RNF17: variants seen among roughly 807,000 people sequenced by gnomAD.
RNF17 encodes ring finger protein 17.
Under a neutral mutation model 200.5 loss-of-function variants are expected in RNF17, and 31 were observed. That is an observed-to-expected ratio of 0.15 (90% CI 0.12 to 0.21). The LOEUF (loss-of-function observed/expected upper bound fraction) is 0.21. RNF17 is among the 10% of genes least tolerant of loss of function. RNF17 has a pLI of 1.00. For missense variants in RNF17, 1,628 were observed against 1,905.1 expected (o/e 0.85, Z 2.71); for synonymous variants, 606 against 637.8 (o/e 0.95, Z 0.75).
chr13:24,840,074 A>G (rs1393136268), intron 18 of RNF17, among the ~76,000 whole-genome samples: 2 of 152,228 alleles, frequency 1.3e-5, no homozygotes, highest in African/African-American at 4.8e-5. Context: ...GGACATGGAT[A>G]GACAGTTCTC....
intron 15 of RNF17, among the ~76,000 whole-genome samples, chr13:24,812,929 G>A (rs138556943): frequency 0.045 from 6,783 of 151,896 alleles, 461 homozygotes; most frequent in African/African-American, 0.15. Context: ...TGATCCACCC[G>A]CCTCGACCTC....
intron 29 of RNF17, among the ~76,000 whole-genome samples, chr13:24,865,657 A>C (rs971105898): frequency 2.0e-5 from 3 of 152,186 alleles, no homozygotes; most frequent in African/African-American, 7.2e-5. Flanking sequence ...ACACAACCAA[A>C]CATTGTTCTA....
intron 9 of RNF17, among the ~76,000 whole-genome samples, chr13:24,792,420 A>G (rs1209207067): frequency 6.6e-6 from 1 of 152,188 alleles, no homozygotes; most frequent in Non-Finnish European, 1.5e-5. Flanking sequence ...TCTGTAAAAA[A>G]AAAACTTGAG....
At chr13:24,826,403 T>C (rs1425514882) in intron 16 of RNF17, among the ~76,000 whole-genome samples, 1 of 152,242 alleles carries the variant, frequency 6.6e-6, no homozygotes, top group East Asian at 1.9e-4. Flanking sequence ...TGAAATTAGA[T>C]ATACCATAGG....
intron 18 of RNF17, among the ~76,000 whole-genome samples, chr13:24,840,667 C>T (rs886129629): frequency 1.3e-5 from 2 of 151,154 alleles, no homozygotes; most frequent in South Asian, 2.1e-4. Flanking sequence ...AACCAATCAT[C>T]GTATGTTCTC....
chr13:24,824,585 T>A (rs1888430249), intron 15 of RNF17, among the ~76,000 whole-genome samples: 1 of 152,164 alleles, frequency 6.6e-6, no homozygotes, highest in Non-Finnish European at 1.5e-5. Context: ...CTTTAGAAAC[T>A]TTTTTGATTA....
intron 19 of RNF17, 70 bp from the exon 20 acceptor site, chr13:24,843,674 T>A: frequency 1.1e-6 from 1 of 891,074 alleles, no homozygotes; most frequent in Non-Finnish European, 1.8e-6. Flanking sequence ...ACAGTCAAGA[T>A]ACAGACCTGA....
chr13:24,825,797 C>T (rs1162319857), intron 16 of RNF17, 25 bp downstream of exon 16: 1 of 1,599,998 alleles, frequency 6.3e-7, no homozygotes, highest in South Asian at 1.1e-5. Flanking sequence ...GCTGTTTCTA[C>T]AGGGAGATGT....
chr13:24,801,210 T>A (rs1010574670), intron 13 of RNF17, among the ~76,000 whole-genome samples: 5 of 152,186 alleles, frequency 3.3e-5, no homozygotes, highest in Non-Finnish European at 7.3e-5. Flanking sequence ...ACTTTTCACA[T>A]TTTTACACTG....
intron 1 of RNF17, among the ~76,000 whole-genome samples, chr13:24,767,009 G>T (rs1879793061): frequency 6.6e-6 from 1 of 152,148 alleles, no homozygotes; most frequent in Non-Finnish European, 1.5e-5. Context: ...AATTTCCCTT[G>T]TATCAGTATT....
intron 6 of RNF17, among the ~76,000 whole-genome samples, chr13:24,786,599 C>T (rs759060494): frequency 4.0e-4 from 61 of 152,144 alleles, no homozygotes; most frequent in Non-Finnish European, 7.9e-4. Flanking sequence ...TGGTAATGAA[C>T]TCCCTCAGCT....
At chr13:24,762,924 T>C (rs903060831), upstream of RNF17, among the ~76,000 whole-genome samples, 21 of 152,314 alleles carry the variant, frequency 1.4e-4, no homozygotes, top group African/African-American at 4.8e-4. Context: ...CAAAGAAGCT[T>C]ACTTTAAGGA....
At chr13:24,847,471 G>A (rs1891391137) in intron 22 of RNF17, among the ~76,000 whole-genome samples, 1 of 151,332 alleles carries the variant, frequency 6.6e-6, no homozygotes, top group South Asian at 2.1e-4. Flanking sequence ...TCAGCCTCCC[G>A]AGTAGCTGGA....
At chr13:24,832,919 T>A (rs958090762) in intron 18 of RNF17, among the ~76,000 whole-genome samples, 7 of 148,638 alleles carry the variant, frequency 4.7e-5, no homozygotes, top group Admixed American at 1.3e-4. Context: ...AATTTTTAAA[T>A]TTTTTTTGTA....
Position 24,861,383 on chromosome 13 carries a change from C to G in RNF17, c.3890C>G (p.Thr1297Arg), listed in dbSNP as rs754239449. ...FCIPCQLHNT[T>R]PVGNVWQPDA... Reference sequence around the variant, plus strand: ...ATTCCTTGTCAGCTCCATAATACCACACCTGTGAGTACATAATAATTTGTG... The same window carrying G: ...ATTCCTTGTCAGCTCCATAATACCAGACCTGTGAGTACATAATAATTTGTG... Residue 1297 changes from threonine to arginine, a missense_variant, in exon 27 of 36, where the codon ACA becomes AGA. Thr to Arg is a moderately conservative substitution (Grantham distance 71, BLOSUM62 -1). Around this residue, in one of 5 missense-constraint regions of RNF17, gnomAD observed 609 missense variants for 681.9 expected, o/e 0.89. Coordinates refer to ENST00000255324, the MANE Select transcript of RNF17 (RefSeq NM_031277.3). 54 of 1,544,804 alleles carry G rather than the reference C, an allele frequency of 3.5e-5. No homozygotes were observed. Among genetic ancestry groups the G allele is most frequent in the Non-Finnish European group, 4.3e-5 (49 of 1,138,528 alleles).
At chr13:24,881,881 G>T (rs1334330366), downstream of RNF17, among the ~76,000 whole-genome samples, 3 of 121,026 alleles carry the variant, frequency 2.5e-5, no homozygotes, top group South Asian at 2.4e-4. Flanking sequence ...CATCTATATA[G>T]ATATATAGAT....
chr13:24,874,030 A>AG (rs1894590725), intron 32 of RNF17, 84 bp from the exon 33 acceptor site: 1 of 1,359,416 alleles, frequency 7.4e-7, no homozygotes, highest in Non-Finnish European at 1.0e-6. Flanking sequence ...GGGTACAAGT[A>AG]GCCCTTTGAT....
At chr13:24,826,769 T>G (rs1278835229) in intron 16 of RNF17, among the ~76,000 whole-genome samples, 1 of 138,308 alleles carries the variant, frequency 7.2e-6, no homozygotes, top group Non-Finnish European at 1.5e-5. Flanking sequence ...CAAGACTGTC[T>G]GAAAAAAAAG....
intron 3 of RNF17, among the ~76,000 whole-genome samples, chr13:24,776,679 A>G (rs1881611933): frequency 6.6e-6 from 1 of 152,344 alleles, no homozygotes; most frequent in African/African-American, 2.4e-5. Flanking sequence ...TAAGCAGTTA[A>G]CTTACTGGGT....
Sources: gnomAD v4.1 joint callset for allele counts (sites outside exome capture counted in the v4.1 genomes callset) on GRCh38, gnomAD v4.1.1 for gene constraint, gnomAD v4.1.1 regional missense constraint, MANE v1.5 for transcripts, NCBI Gene and HGNC (gene_info 2026-07-23, HGNC 2026-07-21) for gene names.